Variants in SLFN12L observed in about 807,000 individuals in gnomAD.
SLFN12L encodes the protein schlafen family member 12-like.
A neutral mutation model predicts 34.8 loss-of-function variants in SLFN12L; 34 were observed. The observed-to-expected ratio is 0.98, with a 90% confidence interval of 0.74 to 1.30. The LOEUF is 1.30. Ranked by LOEUF, SLFN12L falls within the 50% of genes most tolerant of loss-of-function variation. The pLI is 0.00. For synonymous variants in SLFN12L, 259 were observed against 247.5 expected (o/e 1.05, Z -0.44); for missense variants, 703 against 696.2 (o/e 1.01, Z -0.11).
chr17:35,480,342 T>C, intron 2 of SLFN12L, 147 bp from the exon 3 acceptor site: 1 of 570,712 alleles, frequency 1.8e-6, no homozygotes, highest in Non-Finnish European at 2.8e-6. Flanking sequence ...TCTAACAAAT[T>C]TTGAGCTAAG....
intron 1 of SLFN12L, among the ~76,000 whole-genome samples, chr17:35,534,397 T>C (rs548626017): frequency 6.6e-6 from 1 of 152,234 alleles, no homozygotes; most frequent in African/African-American, 2.4e-5. Flanking sequence ...CATTGGAGGT[T>C]GTTAAGCAGG....
At chr17:35,482,156 A>G (rs751395625) in intron 2 of SLFN12L, among the ~76,000 whole-genome samples, 2 of 152,208 alleles carry the variant, frequency 1.3e-5, no homozygotes, top group African/African-American at 4.8e-5. Context: ...ATGAGCCACA[A>G]TGCCCAGTCA....
At chr17:35,493,432 T>C (rs1373269583) in intron 2 of SLFN12L, among the ~76,000 whole-genome samples, 1 of 152,250 alleles carries the variant, frequency 6.6e-6, no homozygotes, top group African/African-American at 2.4e-5. Flanking sequence ...TTCTCCAAAG[T>C]CTAAAGACTG....
chr17:35,511,853 G>A (rs1915656168), intron 2 of SLFN12L, among the ~76,000 whole-genome samples: 1 of 152,168 alleles, frequency 6.6e-6, no homozygotes, highest in Non-Finnish European at 1.5e-5. Flanking sequence ...ACAAATTGTG[G>A]AAACAAACAA....
intron 1 of SLFN12L, among the ~76,000 whole-genome samples, chr17:35,530,086 C>A (rs1240312658): frequency 6.7e-6 from 1 of 149,658 alleles, no homozygotes; most frequent in African/African-American, 2.4e-5. Flanking sequence ...TCTTTTGGTA[C>A]CCTGGCTAGC....
chr17:35,496,309 C>T (rs910035847), intron 2 of SLFN12L, among the ~76,000 whole-genome samples: 64 of 152,200 alleles, frequency 4.2e-4, no homozygotes, highest in Non-Finnish European at 1.2e-4. Flanking sequence ...GATCGCGCCA[C>T]TGCACTCCAA....
At chr17:35,496,655 A>G (rs1426488675) in intron 2 of SLFN12L, among the ~76,000 whole-genome samples, 4 of 152,046 alleles carry the variant, frequency 2.6e-5, no homozygotes, top group Non-Finnish European at 5.9e-5. Flanking sequence ...AAGCCTGTGC[A>G]GTAGGCGTCT....
At chr17:35,487,591 G>A (rs548122650) in intron 2 of SLFN12L, 8 of 848,464 alleles carry the variant, frequency 9.4e-6, no homozygotes, top group East Asian at 8.1e-5. Context: ...GTGCCAGCGC[G>A]GGCCCTTAAG....
intron 4 of SLFN12L, among the ~76,000 whole-genome samples, chr17:35,476,395 G>A (rs1262936882): frequency 1.3e-5 from 2 of 150,884 alleles, no homozygotes; most frequent in African/African-American, 2.4e-5. Context: ...GAGCCCAGGA[G>A]TTTGAGACCA....
At chr17:35,486,943 C>A (rs2142136362) in intron 2 of SLFN12L, among the ~76,000 whole-genome samples, 1 of 152,348 alleles carries the variant, frequency 6.6e-6, no homozygotes, top group Middle Eastern at 3.4e-3. Context: ...TCTTCGGATA[C>A]CACTTTGCAT....
Position 35,478,080 on chromosome 17 carries a change from A to C in SLFN12L, c.1271T>G (p.Leu424Arg), listed in dbSNP as rs1406675975. 1 of 1,529,694 alleles carries C rather than the reference A, an allele frequency of 6.5e-7. No homozygotes were observed. The highest frequency in any genetic ancestry group is 8.9e-7 in the Non-Finnish European group (1 of 1,128,844). 94.8% of individuals were successfully genotyped at this position (1,529,694 alleles called of 1,614,324 possible). A position where few individuals can be genotyped will look rare whatever the true frequency, so the allele number is the denominator to read the frequency against. The change falls in exon 4 of 5, where the codon CTT (leucine) becomes CGT (arginine). Residue 424 changes from leucine to arginine, a missense_variant. By Grantham distance (102) the Leu-to-Arg change is moderately radical. Transcript: ENST00000628453. ...NFKIQPLRYH[L>R]PGLSEKITCA... ...GGAAGCCAGAATTAAATTACCTGGA[A>C]GGTGATATCTCAGTGGCTGAATTTT...
At chr17:35,501,118 T>C (rs1915280874) in intron 2 of SLFN12L, among the ~76,000 whole-genome samples, 1 of 152,260 alleles carries the variant, frequency 6.6e-6, no homozygotes. Context: ...AGACATGGTC[T>C]AGGCAGCCCC....
At chr17:35,527,342 C>A (rs534234426) in intron 1 of SLFN12L, among the ~76,000 whole-genome samples, 3 of 152,272 alleles carry the variant, frequency 2.0e-5, no homozygotes, top group Non-Finnish European at 2.9e-5. Context: ...AAGAGGGAAT[C>A]CTCCCTAACT....
rs553314759 is a variant in SLFN12L at position 35,499,716 on chromosome 17, A to G, written c.87-19521T>C. On this transcript the variant is annotated intron_variant, in intron 2 of 4. Coordinates refer to ENST00000628453, the MANE Select transcript of SLFN12L (RefSeq NM_001363830.2). Reference sequence around the variant, plus strand: ...AGGCCAGTCCGTATCCTGTGGATCCATGTACCCCAGGGTGTTCCCAGACCC... The same window carrying G: ...AGGCCAGTCCGTATCCTGTGGATCCGTGTACCCCAGGGTGTTCCCAGACCC... The G allele has an allele frequency of 5.8e-4, 160 of 276,904 alleles. 1 individual carries two copies. The highest frequency in any genetic ancestry group is 3.7e-3 in the African/African-American group (157 of 42,568). The allele number at this position is 276,904 out of a possible 1,614,324, so 17.2% of individuals were successfully genotyped here.
intron 2 of SLFN12L, among the ~76,000 whole-genome samples, chr17:35,502,511 C>T (rs2142151758): frequency 7.0e-6 from 1 of 142,100 alleles, no homozygotes; most frequent in East Asian, 2.3e-4. Context: ...GGATCTAAAT[C>T]TTAATTACCA....
At chr17:35,530,117 CT>C (rs35836415) in intron 1 of SLFN12L, among the ~76,000 whole-genome samples, 12,600 of 109,422 alleles carry the variant, frequency 0.12, 849 homozygotes, top group African/African-American at 0.24. Context: ...ACTGCTTTGT[CT>C]TTTTTTTTTT....
At chr17:35,489,920 T>C in intron 2 of SLFN12L, 1 of 1,084,560 alleles carries the variant, frequency 9.2e-7, no homozygotes, top group Non-Finnish European at 1.4e-6. Flanking sequence ...CAGCATCTTA[T>C]GCTCCAAGTG....
At chr17:35,486,138 GGA>G (rs1375211187) in intron 2 of SLFN12L, among the ~76,000 whole-genome samples, 1 of 152,224 alleles carries the variant, frequency 6.6e-6, no homozygotes, top group African/African-American at 2.4e-5. Context: ...ACATGAGCAT[GGA>G]GTGCTTTTGC....
intron 2 of SLFN12L, among the ~76,000 whole-genome samples, chr17:35,491,631 C>T (rs1914843081): frequency 6.6e-6 from 1 of 152,212 alleles, no homozygotes; most frequent in South Asian, 2.1e-4. Flanking sequence ...TGGGAAACAG[C>T]AATCTTCCTT....
Sources: gnomAD v4.1 joint callset for allele counts (sites outside exome capture counted in the v4.1 genomes callset) on GRCh38, gnomAD v4.1.1 for gene constraint, MANE v1.5 for transcripts, NCBI Gene and HGNC (gene_info 2026-07-23, HGNC 2026-07-21) for gene names.